The following INSL6 variants were observed in gnomAD, a reference collection of about 807,000 sequenced individuals.
The protein encoded by INSL6 is insulin-like peptide INSL6.
INSL6 carries 16 observed loss-of-function variants against 9.4 expected under a neutral mutation model. The observed-to-expected ratio is 1.70, with a 90% CI of 1.15 to 2.59. The LOEUF is 2.59. INSL6 is among the 30% of genes most tolerant of loss of function. The pLI, the probability that INSL6 is intolerant of heterozygous loss-of-function variation, is 0.00. For synonymous variants in INSL6, 154 were observed against 96.9 expected (o/e 1.59, Z -3.46); for missense variants, 391 against 257.3 (o/e 1.52, Z -3.56).
At chr9:5,173,924 C>T (rs1489731011) in intron 1 of INSL6, among the ~76,000 whole-genome samples, 1 of 152,124 alleles carries the variant, frequency 6.6e-6, no homozygotes, top group African/African-American at 2.4e-5. Context: ...AAAATTGATG[C>T]AATCTGAAAA....
Position 5,185,622 on chromosome 9 carries a change from T to C in INSL6, c.-20A>G. 8 of 1,602,698 alleles carry C rather than the reference T, an allele frequency of 5.0e-6. No individual in the cohort carries two copies. Among genetic ancestry groups the C allele is most frequent in the Non-Finnish European group, 6.8e-6 (8 of 1,176,022 alleles). ...CGGCATCCCTGTGACCCCAGGCTAG[T>C]CCTCCGCGTTGTGCAATGGCGGTCG... On this transcript the variant is annotated 5_prime_UTR_variant, in exon 1 of 2. Coordinates refer to ENST00000381641, the MANE Select transcript of INSL6 (RefSeq NM_007179.3).
At chr9:5,085,186 C>A in the INSL6 span, 1 of 657,118 alleles carries the variant, frequency 1.5e-6, no homozygotes, top group Admixed American at 1.8e-5. Flanking sequence ...ACTGAACCAT[C>A]TCATGATCAT....
chr9:5,110,961 C>T, the INSL6 span: 1 of 601,218 alleles, frequency 1.7e-6, no homozygotes, highest in Non-Finnish European at 3.1e-6. Context: ...ACAAGGAGCT[C>T]AGTAACCTGG....
chr9:5,091,066 A>C, the INSL6 span: 2 of 565,972 alleles, frequency 3.5e-6, no homozygotes, highest in East Asian at 6.2e-5. Flanking sequence ...TAGGTCTTAT[A>C]GTCATGGTTA....
At chr9:5,113,960 C>A in the INSL6 span, 5 of 269,304 alleles carry the variant, frequency 1.9e-5, no homozygotes, top group Admixed American at 4.5e-5. Context: ...TCTGGGTACA[C>A]CCAGGTGCCA....
chr9:5,086,013 C>T, the INSL6 span: 1 of 819,442 alleles, frequency 1.2e-6, no homozygotes, highest in Non-Finnish European at 2.2e-6. Context: ...CTGTGATATA[C>T]TATATACATT....
At chr9:5,006,574 A>T in the INSL6 span, among the ~76,000 whole-genome samples, 2 of 152,188 alleles carry the variant, frequency 1.3e-5, no homozygotes, top group Admixed American at 6.5e-5. Context: ...AGGCCTCAGG[A>T]AATTTACAAT....
chr9:5,057,169 G>A, the INSL6 span, among the ~76,000 whole-genome samples: 1 of 151,876 alleles, frequency 6.6e-6, no homozygotes, highest in Non-Finnish European at 1.5e-5. Flanking sequence ...GATACATCAT[G>A]TTTCTTGCTG....
intron 1 of INSL6, among the ~76,000 whole-genome samples, chr9:5,184,461 C>T (rs955695337): frequency 1.3e-5 from 2 of 152,164 alleles, no homozygotes; most frequent in Admixed American, 6.5e-5. Context: ...ACAAGAATAT[C>T]CTTCCTGCAG....
At chr9:5,075,746 G>A in the INSL6 span, among the ~76,000 whole-genome samples, 2 of 152,168 alleles carry the variant, frequency 1.3e-5, no homozygotes, top group East Asian at 3.8e-4. Context: ...GTAGCCCATG[G>A]ATCAAGGAGT....
the INSL6 span, among the ~76,000 whole-genome samples, chr9:5,039,661 T>C: frequency 7.2e-5 from 11 of 152,096 alleles, no homozygotes; most frequent in Non-Finnish European, 2.9e-5. Context: ...AAGATCAATA[T>C]ATAAAAATCA....
chr9:5,154,572 C>T (rs1196661055), intron 2 of INSL6, among the ~76,000 whole-genome samples: 2 of 152,186 alleles, frequency 1.3e-5, no homozygotes, highest in African/African-American at 2.4e-5. Context: ...GCAATCTACT[C>T]ATCTGACAAA....
intron 2 of INSL6, among the ~76,000 whole-genome samples, chr9:5,149,647 T>C (rs1824673813): frequency 6.6e-6 from 1 of 152,104 alleles, no homozygotes; most frequent in Non-Finnish European, 1.5e-5. Flanking sequence ...ATCTTTAAAA[T>C]GACCATATTG....
the INSL6 span, among the ~76,000 whole-genome samples, chr9:5,059,212 A>C: frequency 6.6e-6 from 1 of 152,182 alleles, no homozygotes; most frequent in Non-Finnish European, 1.5e-5. Context: ...AGGTTTCCAC[A>C]TGCATCTTCC....
At chr9:4,994,861 TA>T in the INSL6 span, among the ~76,000 whole-genome samples, 10 of 152,146 alleles carry the variant, frequency 6.6e-5, no homozygotes, top group East Asian at 1.9e-4. Flanking sequence ...TATTCTTTCA[TA>T]AAAAAATTAT....
At position 5,185,558 on chromosome 9, in the gene INSL6, C is replaced by G. The variant is rs755260249; in HGVS notation, c.45G>C (p.Leu15=). The G allele has an allele frequency of 6.2e-7, 1 of 1,613,918 alleles. No individual in the cohort carries two copies. The highest frequency in any genetic ancestry group is 8.5e-7 in the Non-Finnish European group (1 of 1,179,978). The change falls in exon 1 of 2, where the codon CTG becomes CTC. Residue 15 remains leucine (L), a synonymous_variant. Transcript: ENST00000381641. ...LRLSLLWLGL[L]LVRFSRELSD... Reference sequence around the variant, plus strand: ...TCAGTTCACGAGAAAACCGAACCAGCAGGAGTCCAAGCCACAGCAGGGACA... The same window carrying G: ...TCAGTTCACGAGAAAACCGAACCAGGAGGAGTCCAAGCCACAGCAGGGACA...
chr9:5,087,063 T>C, the INSL6 span, among the ~76,000 whole-genome samples: 1 of 152,214 alleles, frequency 6.6e-6, no homozygotes, highest in Non-Finnish European at 1.5e-5. Context: ...ATCTTTATTG[T>C]TTTCATTGAA....
At chr9:5,040,798 G>C in the INSL6 span, 1 of 202,700 alleles carries the variant, frequency 4.9e-6, no homozygotes, top group Non-Finnish European at 1.0e-5. Flanking sequence ...GCTGGCCCAG[G>C]CGGTGCAGGA....
At chr9:5,182,155 G>A (rs553314835) in intron 1 of INSL6, among the ~76,000 whole-genome samples, 1 of 152,090 alleles carries the variant, frequency 6.6e-6, no homozygotes, top group African/African-American at 2.4e-5. Context: ...GGAGTTCAAG[G>A]CTACATAGGT....
Sources: allele counts gnomAD v4.1 joint callset (sites outside exome capture counted in the v4.1 genomes callset), GRCh38; gene constraint gnomAD v4.1.1; transcripts MANE v1.5; gene names NCBI Gene and HGNC (gene_info 2026-07-23, HGNC 2026-07-21).